The following PALM2AKAP2 variants were observed in gnomAD, a reference collection of about 807,000 sequenced individuals.
The protein encoded by PALM2AKAP2 is PALM2 and AKAP2 fusion.
In PALM2AKAP2, 37 loss-of-function variants were observed where a neutral mutation model predicts 71.5. That is an observed-to-expected ratio of 0.52 (90% confidence interval 0.40 to 0.68). The LOEUF (loss-of-function observed/expected upper bound fraction) is 0.68. Ranked by LOEUF, PALM2AKAP2 falls within the 30% of genes least tolerant of loss-of-function variation. PALM2AKAP2 has a pLI of 0.00. For synonymous variants in PALM2AKAP2, 468 were observed against 478.8 expected, an observed-to-expected ratio of 0.98 and a Z score of 0.29; for missense variants, 1,224 against 1,191.8, an observed-to-expected ratio of 1.03 and a Z score of -0.40.
At chr9:110,096,790 T>TGG (rs1255270617) in intron 1 of PALM2AKAP2, among the ~76,000 whole-genome samples, 2 of 117,126 alleles carry the variant, frequency 1.7e-5, no homozygotes, top group African/African-American at 6.5e-5. Flanking sequence ...TGTGGGGGGT[T>TGG]GGGGGGGGGT....
At chr9:109,738,571 C>T (rs1828673043) in intron 1 of PALM2AKAP2, among the ~76,000 whole-genome samples, 1 of 152,178 alleles carries the variant, frequency 6.6e-6, no homozygotes, top group Non-Finnish European at 1.5e-5. Flanking sequence ...AAAAACATTT[C>T]ACTTACAGAA....
At chr9:110,025,874 G>T (rs536856502) in intron 7 of PALM2AKAP2, among the ~76,000 whole-genome samples, 1 of 152,076 alleles carries the variant, frequency 6.6e-6, no homozygotes, top group South Asian at 2.1e-4. Flanking sequence ...GCCATAGTTT[G>T]TTCAATTATT....
chr9:109,645,407 A>G (rs1220329456), intron 1 of PALM2AKAP2, among the ~76,000 whole-genome samples: 1 of 152,202 alleles, frequency 6.6e-6, no homozygotes, highest in African/African-American at 2.4e-5. Flanking sequence ...GAGCTACAAG[A>G]CGAGATTTGG....
chr9:110,074,415 A>G (rs79368298), intron 1 of PALM2AKAP2, among the ~76,000 whole-genome samples: 2,031 of 152,296 alleles, frequency 0.013, 37 homozygotes, highest in African/African-American at 0.047. Flanking sequence ...ATGGGAGCCT[A>G]GATTGGATCA....
chr9:109,917,515 G>A (rs1462069010), intron 3 of PALM2AKAP2, among the ~76,000 whole-genome samples: 2 of 145,294 alleles, frequency 1.4e-5, no homozygotes, highest in African/African-American at 2.6e-5. Context: ...TTGAGACAGG[G>A]TCTCACTCTG....
chr9:109,768,011 A>AT (rs1829187156), intron 1 of PALM2AKAP2, among the ~76,000 whole-genome samples: 5 of 67,822 alleles, frequency 7.4e-5, no homozygotes, highest in African/African-American at 6.9e-4. Context: ...GCAGGTAGGT[A>AT]GGAAGAAAGG....
intron 6 of PALM2AKAP2, chr9:109,943,408 T>C: frequency 6.2e-7 from 1 of 1,612,148 alleles, no homozygotes; most frequent in Non-Finnish European, 8.5e-7. Flanking sequence ...GCGCTGTCAA[T>C]GCTGTGTTGT....
At chr9:109,828,906 T>C (rs1303745833) in intron 1 of PALM2AKAP2, among the ~76,000 whole-genome samples, 3 of 152,216 alleles carry the variant, frequency 2.0e-5, no homozygotes, top group African/African-American at 4.8e-5. Context: ...AGAAAATGGA[T>C]CTTGAAAGGG....
At chr9:109,821,679 G>T (rs368503358) in intron 1 of PALM2AKAP2, among the ~76,000 whole-genome samples, 4 of 152,184 alleles carry the variant, frequency 2.6e-5, no homozygotes, top group Non-Finnish European at 5.9e-5. Flanking sequence ...AATTGACAAG[G>T]TGGCTCCCCC....
chr9:110,138,649 G>C, intron 2 of PALM2AKAP2, 110 bp downstream of exon 8: 1 of 1,438,374 alleles, frequency 7.0e-7, no homozygotes, highest in Non-Finnish European at 9.1e-7. Flanking sequence ...TGGAATAAGT[G>C]TTGGGGGGAC....
intron 6 of PALM2AKAP2, among the ~76,000 whole-genome samples, chr9:110,006,324 C>CTT (rs781207805): frequency 1.4e-4 from 14 of 102,102 alleles, no homozygotes; most frequent in African/African-American, 3.9e-4. Context: ...TTCCTTCCTT[C>CTT]TCTTTCTTTC....
chr9:109,937,765 C>T (rs181062527), intron 6 of PALM2AKAP2, among the ~76,000 whole-genome samples: 1 of 152,292 alleles, frequency 6.6e-6, no homozygotes, highest in Admixed American at 6.5e-5. Flanking sequence ...GTCCTTCATC[C>T]AGGAAAATTT....
chr9:110,112,902 G>A (rs772954716), intron 1 of PALM2AKAP2, among the ~76,000 whole-genome samples: 2 of 152,214 alleles, frequency 1.3e-5, no homozygotes, highest in African/African-American at 4.8e-5. Context: ...AAATCGCATG[G>A]TCTAATGCCC....
intron 1 of PALM2AKAP2, among the ~76,000 whole-genome samples, chr9:110,080,827 C>T (rs1444325250): frequency 1.3e-5 from 2 of 152,016 alleles, no homozygotes; most frequent in Non-Finnish European, 2.9e-5. Flanking sequence ...TACAGGCACC[C>T]GCCACCATGA....
intron 1 of PALM2AKAP2, among the ~76,000 whole-genome samples, chr9:110,074,744 C>G (rs7021648): frequency 6.6e-6 from 1 of 151,938 alleles, no homozygotes; most frequent in Non-Finnish European, 1.5e-5. Context: ...GGTTCACGCC[C>G]GTAATCCCAG....
intron 2 of PALM2AKAP2, among the ~76,000 whole-genome samples, chr9:109,871,158 A>G (rs1276284938): frequency 1.3e-5 from 2 of 152,214 alleles, no homozygotes; most frequent in African/African-American, 4.8e-5. Context: ...TAGTTTTGGC[A>G]TTCATATATA....
At chr9:109,723,184 G>T (rs1331660896) in intron 1 of PALM2AKAP2, among the ~76,000 whole-genome samples, 1 of 152,168 alleles carries the variant, frequency 6.6e-6, no homozygotes, top group African/African-American at 2.4e-5. Context: ...GCTGACAAAA[G>T]CTTCAAACTT....
chr9:109,679,436 G>A (rs754387582), intron 1 of PALM2AKAP2, among the ~76,000 whole-genome samples: 29 of 152,114 alleles, frequency 1.9e-4, no homozygotes, highest in Non-Finnish European at 3.4e-4. Context: ...GGAGTAAATT[G>A]CCACTTCCCT....
intron 1 of PALM2AKAP2, among the ~76,000 whole-genome samples, chr9:109,821,044 T>C (rs1827984450): frequency 6.6e-6 from 1 of 152,188 alleles, no homozygotes; most frequent in African/African-American, 2.4e-5. Context: ...AGATCTATTT[T>C]AGTCTTCTCA....
Sources: gnomAD v4.1 joint callset for allele counts (sites outside exome capture counted in the v4.1 genomes callset) on GRCh38, gnomAD v4.1.1 for gene constraint, MANE v1.5 for transcripts, NCBI Gene and HGNC (gene_info 2026-07-23, HGNC 2026-07-21) for gene names.